The following KCNIP2 variants were observed in gnomAD, a reference collection of about 807,000 sequenced individuals.
KCNIP2 encodes the protein potassium voltage-gated channel interacting protein 2.
In KCNIP2, 19 loss-of-function variants were observed where a neutral mutation model predicts 39.0. The observed-to-expected ratio is 0.49, with a 90% CI of 0.34 to 0.71. The LOEUF (loss-of-function observed/expected upper bound fraction) is 0.71. Among genes scored for constraint, KCNIP2 ranks in the 30% least tolerant of loss-of-function variants. KCNIP2 has a pLI of 0.01. For missense variants in KCNIP2, 261 were observed against 346.0 expected, an observed-to-expected ratio of 0.75 and a Z score of 1.95; for synonymous variants, 111 against 131.2, an observed-to-expected ratio of 0.85 and a Z score of 1.05.
intron 8 of KCNIP2, 49 bp downstream of exon 8, chr10:101,827,840 C>G: frequency 6.4e-7 from 1 of 1,552,190 alleles, no homozygotes; most frequent in Non-Finnish European, 8.9e-7. Context: ...TGGTTCTTGG[C>G]CTTCTTCCCT....
At chr10:101,840,061 G>T (rs955870485) in intron 1 of KCNIP2, among the ~76,000 whole-genome samples, 1 of 151,764 alleles carries the variant, frequency 6.6e-6, no homozygotes, top group East Asian at 1.9e-4. Context: ...CCTGGACGGG[G>T]GGGGGGGGTG....
chr10:101,827,657 G>T (rs773791083), intron 9 of KCNIP2, 32 bp downstream of exon 9: 1 of 1,612,554 alleles, frequency 6.2e-7, no homozygotes, highest in Non-Finnish European at 8.5e-7. Context: ...CTGAGTCCAG[G>T]TCAGGGTAAT....
chr10:101,833,488 A>G lies in KCNIP2; in HGVS notation c.74-2321T>C, dbSNP rs1356677281. On this transcript the variant is annotated intron_variant, in intron 1 of 9. Coordinates refer to ENST00000356640, the MANE Select transcript of KCNIP2 (RefSeq NM_173191.3). ...CTGGGCTATAAATGTCTCCTTCACA[A>G]TGTTCACACTCTTCCCTCCAGAACC... Among the ~76,000 whole-genome samples, 3 of 151,982 alleles carry G rather than the reference A, an allele frequency of 2.0e-5. No individual in the cohort carries two copies. In the East Asian group the frequency reaches 5.8e-4, roughly 29 times the overall value.
At chr10:101,839,442 C>T (rs1162685197) in intron 1 of KCNIP2, among the ~76,000 whole-genome samples, 1 of 152,154 alleles carries the variant, frequency 6.6e-6, no homozygotes, top group African/African-American at 2.4e-5. Flanking sequence ...CCCTGGGAGG[C>T]GCCCTGCCCC....
In KCNIP2 at chr10:101,843,405, G is replaced by A; in HGVS notation, c.73+91C>T. 1 of 773,624 alleles carries A rather than the reference G, an allele frequency of 1.3e-6. No homozygotes were observed. Among genetic ancestry groups the A allele is most frequent in the Non-Finnish European group, 1.9e-6 (1 of 532,790 alleles). The allele number at this position is 773,624 out of a possible 1,614,324, so 47.9% of individuals were successfully genotyped here. On this transcript the variant is annotated intron_variant, in intron 1 of 9. Transcript: ENST00000356640. This position sits in a 1 kb window ranked among gnomAD's most constrained non-coding sequence, Gnocchi z 6.7. ...AGTGCCTGGGAATGGGGCAGAGTGT[G>A]GGTGCGGGCCAGGCCGGGGTCGGAG...
At chr10:101,827,660 A>T in intron 9 of KCNIP2, 29 bp downstream of exon 9, 1 of 1,612,940 alleles carries the variant, frequency 6.2e-7, no homozygotes, top group African/African-American at 1.3e-5. Context: ...AGTCCAGGTC[A>T]GGGTAATGTA....
rs1167804700 is a variant in KCNIP2 at position 101,843,606 on chromosome 10, G to A, written c.-38C>T. On this transcript the variant is annotated 5_prime_UTR_variant, in exon 1 of 10. Transcript: ENST00000356640. This position sits in a 1 kb window ranked among gnomAD's most constrained non-coding sequence, Gnocchi z 6.7. ...CCCGCTCCCGCCCGGGCCGTGGGAGGGGGCGCCGGGTGGCCGGGATAGGGC... is the reference window on the plus strand; with the variant it reads ...CCCGCTCCCGCCCGGGCCGTGGGAGAGGGCGCCGGGTGGCCGGGATAGGGC... The A allele has an allele frequency of 2.3e-6, 3 of 1,319,452 alleles. No homozygotes were observed. The highest frequency in any genetic ancestry group is 3.1e-5 in the South Asian group (2 of 65,432). The allele number at this position is 1,319,452 out of a possible 1,614,324, so 81.7% of individuals were successfully genotyped here.
chr10:101,831,209 T>C (rs201061453), intron 1 of KCNIP2, 42 bp from the exon 2 acceptor site: 49 of 1,418,464 alleles, frequency 3.5e-5, no homozygotes, highest in African/African-American at 2.4e-4. Flanking sequence ...TTAACTCCCA[T>C]TGTCCCTCTG....
rs1265049355 is a variant in KCNIP2 at position 101,826,845 on chromosome 10, G to GA, written c.*507dup. ...ATTCTCAACCCCAGCCACCTCCTAG[G>GA]ACCTATCCATTGACTCAGGCCCAAG... On this transcript the variant is annotated 3_prime_UTR_variant, in exon 10 of 10. Transcript: ENST00000356640. The GA allele has an allele frequency of 7.1e-5, 11 of 154,238 alleles. No individual in the cohort carries two copies. Among genetic ancestry groups the GA allele is most frequent in the Admixed American group, 7.1e-4 (11 of 15,560 alleles). 9.6% of individuals were successfully genotyped at this position (154,238 alleles called of 1,614,324 possible).
Position 101,843,185 on chromosome 10 carries a change from G to GCGCA in KCNIP2, c.73+310_73+311insTGCG, listed in dbSNP as rs530411530. ...GCAACCAGCTGTGGGAGGTGCGCGCGCACACACACACACACACACAGAATG... is the reference window on the plus strand; with the variant it reads ...GCAACCAGCTGTGGGAGGTGCGCGCGCGCACACACACACACACACACACAGAATG... On this transcript the variant is annotated intron_variant, in intron 1 of 9. Transcript: ENST00000356640. The surrounding 1 kb of genome is among the most constrained non-coding windows in gnomAD (Gnocchi z 6.7). Among the ~76,000 whole-genome samples, 3 of 150,216 alleles carry GCGCA rather than the reference G, an allele frequency of 2.0e-5. No homozygotes were observed. The highest frequency in any genetic ancestry group is 7.3e-5 in the African/African-American group (3 of 41,000).
rs572944734 is a variant in KCNIP2 at position 101,827,285 on chromosome 10, G to A, written c.*68C>T. On this transcript the variant is annotated 3_prime_UTR_variant, in exon 10 of 10. Coordinates refer to ENST00000356640, the MANE Select transcript of KCNIP2 (RefSeq NM_173191.3). ...TGAGGATAGACCTGGGAAGAGAAGGGTGAGGTCCGCCTGGACTAGGGTTAG... is the reference window on the plus strand; with the variant it reads ...TGAGGATAGACCTGGGAAGAGAAGGATGAGGTCCGCCTGGACTAGGGTTAG... 3.3e-6 allele frequency: 5 copies of A among 1,518,512 alleles called. No individual in the cohort carries two copies. The highest frequency in any genetic ancestry group is 4.4e-6 in the Non-Finnish European group (5 of 1,129,248). 94.1% of individuals were successfully genotyped at this position (1,518,512 alleles called of 1,614,324 possible). A position where few individuals can be genotyped will look rare whatever the true frequency, so the allele number is the denominator to read the frequency against.
In KCNIP2 at chr10:101,843,354, G is replaced by GGT. The variant is rs1416119384; in HGVS notation, c.73+141_73+142insAC. The GGT allele has an allele frequency of 2.5e-5, 12 of 473,434 alleles. No individual in the cohort carries two copies. Among genetic ancestry groups the GGT allele is most frequent in the Non-Finnish European group, 4.3e-5 (12 of 276,018 alleles). The allele number at this position is 473,434 out of a possible 1,614,324, so 29.3% of individuals were successfully genotyped here. A position where few individuals can be genotyped will look rare whatever the true frequency, so the allele number is the denominator to read the frequency against. ...GGACCCAAGGCTTTGAACCCCCAGTGTCCTGCCGCCCAGACCGGCCATAAG... is the reference window on the plus strand; with the variant it reads ...GGACCCAAGGCTTTGAACCCCCAGTGGTTCCTGCCGCCCAGACCGGCCATAAG... On this transcript the variant is annotated intron_variant, in intron 1 of 9. Coordinates refer to ENST00000356640, the MANE Select transcript of KCNIP2 (RefSeq NM_173191.3). This position sits in a 1 kb window ranked among gnomAD's most constrained non-coding sequence, Gnocchi z 6.7.
At chr10:101,837,123 TAAAC>T (rs909737364) in intron 1 of KCNIP2, among the ~76,000 whole-genome samples, 38 of 152,182 alleles carry the variant, frequency 2.5e-4, no homozygotes, top group African/African-American at 8.9e-4. Flanking sequence ...AATAAACAAA[TAAAC>T]AAAGATAATA....
intron 4 of KCNIP2, 47 bp downstream of exon 4, chr10:101,829,028 G>A (rs1480077761): frequency 6.3e-7 from 1 of 1,596,598 alleles, no homozygotes; most frequent in Non-Finnish European, 8.6e-7. Context: ...ACCGGCTTGG[G>A]TCCTCCTGTC....
intron 1 of KCNIP2, among the ~76,000 whole-genome samples, chr10:101,837,306 A>G (rs902517184): frequency 6.3e-4 from 96 of 152,178 alleles, no homozygotes; most frequent in African/African-American, 2.3e-3. Context: ...CTCCCCGCCA[A>G]GATAAGCTCC....
Position 101,829,403 on chromosome 10 carries a change from G to A in KCNIP2, c.224-204C>T, listed in dbSNP as rs1457291215. 6.5e-6 allele frequency: 4 copies of A among 615,068 alleles called. No homozygotes were observed. The South Asian group carries it at 1.0e-4, about 15-fold the overall frequency. The allele number at this position is 615,068 out of a possible 1,614,324, so 38.1% of individuals were successfully genotyped here. On this transcript the variant is annotated intron_variant, in intron 3 of 9. Coordinates refer to ENST00000356640, the MANE Select transcript of KCNIP2 (RefSeq NM_173191.3). The stretch of plus-strand genomic sequence containing the variant: ...CTTCGAGGTCTATCAGCGGGCCAAG[G>A]CCTGGCCTGGCCCCAGAGCCAGGGA...
At chr10:101,840,989 G>C (rs1024946426) in intron 1 of KCNIP2, among the ~76,000 whole-genome samples, 4 of 152,238 alleles carry the variant, frequency 2.6e-5, no homozygotes, top group Non-Finnish European at 4.4e-5. Flanking sequence ...CTCAGACAGG[G>C]CCGCTGCTAA....
Position 101,843,383 on chromosome 10 carries a change from G to T in KCNIP2, c.73+113C>A. On this transcript the variant is annotated intron_variant, in intron 1 of 9. Transcript: ENST00000356640. This position sits in a 1 kb window ranked among gnomAD's most constrained non-coding sequence, Gnocchi z 6.7. Reference sequence around the variant, plus strand: ...TGCCGCCCAGACCGGCCATAAGAGTGCCTGGGAATGGGGCAGAGTGTGGGT... The same window carrying T: ...TGCCGCCCAGACCGGCCATAAGAGTTCCTGGGAATGGGGCAGAGTGTGGGT... 1.7e-6 allele frequency: 1 copy of T among 604,320 alleles called. No homozygotes were observed. Among genetic ancestry groups the T allele is most frequent in the Non-Finnish European group, 2.6e-6 (1 of 389,506 alleles). 37.4% of individuals were successfully genotyped at this position (604,320 alleles called of 1,614,324 possible). A position where few individuals can be genotyped will look rare whatever the true frequency, so the allele number is the denominator to read the frequency against.
At chr10:101,835,716 A>G (rs930685906) in intron 1 of KCNIP2, among the ~76,000 whole-genome samples, 12 of 152,094 alleles carry the variant, frequency 7.9e-5, no homozygotes, top group Non-Finnish European at 1.5e-4. Context: ...ATGAGCCACA[A>G]GACTAGGGCC....
Sources: allele counts gnomAD v4.1 joint callset (sites outside exome capture counted in the v4.1 genomes callset), GRCh38; gene constraint gnomAD v4.1.1; non-coding constraint Gnocchi (gnomAD v3.1); transcripts MANE v1.5; gene names NCBI Gene and HGNC (gene_info 2026-07-23, HGNC 2026-07-21).